Variants in IL23R observed in about 807,000 individuals in gnomAD.
IL23R encodes interleukin 23 receptor.
Under a neutral mutation model 56.9 loss-of-function variants are expected in IL23R, and 34 were observed. That is an observed-to-expected ratio of 0.60 (90% CI 0.45 to 0.80). The LOEUF (loss-of-function observed/expected upper bound fraction) is 0.80, where lower values mean the gene tolerates loss of function less well. Ranked by LOEUF, IL23R falls within the 30% of genes least tolerant of loss-of-function variation. The pLI is 0.00. For missense variants in IL23R, 635 were observed against 730.0 expected (o/e 0.87, Z 1.50); for synonymous variants, 230 against 249.2 (o/e 0.92, Z 0.73).
intron 6 of IL23R, among the ~76,000 whole-genome samples, chr1:67,218,609 T>C (rs537723985): frequency 6.6e-6 from 1 of 152,196 alleles, no homozygotes; most frequent in Admixed American, 6.5e-5. Flanking sequence ...ATTAAGAATA[T>C]ATTCCAAAAT....
chr1:67,140,445 C>A (rs1254527508), intron 1 of IL23R, among the ~76,000 whole-genome samples: 13 of 152,066 alleles, frequency 8.5e-5, no homozygotes, highest in Non-Finnish European at 1.8e-4. Context: ...TACAAATGAT[C>A]ATTAATTATA....
chr1:67,191,364 A>G (rs1260923811), intron 4 of IL23R, among the ~76,000 whole-genome samples: 1 of 152,078 alleles, frequency 6.6e-6, no homozygotes, highest in Non-Finnish European at 1.5e-5. Flanking sequence ...CTTTCCTGCT[A>G]TTGCTATGGA....
chr1:67,163,539 A>C (rs936607921), upstream of IL23R, among the ~76,000 whole-genome samples: 1 of 150,074 alleles, frequency 6.7e-6, no homozygotes, highest in Non-Finnish European at 1.5e-5. Context: ...TGTAATCCCC[A>C]GTGCTGGAGG....
intron 4 of IL23R, among the ~76,000 whole-genome samples, chr1:67,198,816 G>A (rs955146573): frequency 1.3e-5 from 2 of 152,076 alleles, no homozygotes; most frequent in Non-Finnish European, 2.9e-5. Flanking sequence ...ATGGTAGTAC[G>A]TGCCTGTGGT....
intron 10 of IL23R, among the ~76,000 whole-genome samples, chr1:67,257,484 A>G (rs1178439888): frequency 2.0e-5 from 3 of 152,046 alleles, no homozygotes; most frequent in Non-Finnish European, 2.9e-5. Context: ...ATTGGCTTCA[A>G]TGTGAGGGGG....
At chr1:67,190,140 A>T (rs1191877903) in intron 4 of IL23R, among the ~76,000 whole-genome samples, 1 of 152,206 alleles carries the variant, frequency 6.6e-6, no homozygotes, top group Admixed American at 6.5e-5. Flanking sequence ...CTTCTAACTC[A>T]TGTGGTTCAG....
rs543887449 is a variant in IL23R at position 67,206,920 on chromosome 1, T to C, written c.663T>C (p.Ser221=). 761 of 1,472,324 alleles carry C rather than the reference T, an allele frequency of 5.2e-4. 16 individuals carry two copies. In the South Asian group the frequency reaches 8.6e-3, roughly 17 times the overall value. 91.2% of individuals were successfully genotyped at this position (1,472,324 alleles called of 1,614,324 possible). ...TTTTTTTTTTTCTAGTGATACCTTC[T>C]GCAGCCGTCATTTCCAGGGCTGAGA... ...QIHLDDIVIP[S]AAVISRAETI... The change falls in exon 6 of 11, where the codon TCT becomes TCC. Residue 221 remains serine, a synonymous_variant. Transcript: ENST00000347310.
intron 4 of IL23R, among the ~76,000 whole-genome samples, chr1:67,189,591 A>G (rs1026106422): frequency 6.6e-6 from 1 of 152,222 alleles, no homozygotes; most frequent in African/African-American, 2.4e-5. Flanking sequence ...AGGTCAGAAA[A>G]GGAAACAAAC....
chr1:67,205,919 C>CTT (rs1553291056), intron 5 of IL23R, among the ~76,000 whole-genome samples: 1 of 117,372 alleles, frequency 8.5e-6, no homozygotes. Context: ...TTCTTTCTTT[C>CTT]TTTCTTTTTC....
At chr1:67,200,036 T>A (rs1451414356) in intron 4 of IL23R, among the ~76,000 whole-genome samples, 1 of 151,958 alleles carries the variant, frequency 6.6e-6, no homozygotes, top group African/African-American at 2.4e-5. Flanking sequence ...AATTTTAATT[T>A]TTTGTTTTTG....
chr1:67,198,362 T>C (rs1371666726), intron 4 of IL23R, among the ~76,000 whole-genome samples: 1 of 152,194 alleles, frequency 6.6e-6, no homozygotes, highest in Non-Finnish European at 1.5e-5. Flanking sequence ...GGGTAGAGAT[T>C]TAAAAACAGA....
chr1:67,210,979 A>G (rs1649431899), intron 6 of IL23R, among the ~76,000 whole-genome samples: 1 of 152,200 alleles, frequency 6.6e-6, no homozygotes, highest in Non-Finnish European at 1.5e-5. Flanking sequence ...TAAAAGTATC[A>G]AGAAGATGGG....
At chr1:67,156,826 C>T (rs1458015208) in intron 1 of IL23R, among the ~76,000 whole-genome samples, 1 of 152,182 alleles carries the variant, frequency 6.6e-6, no homozygotes, top group Non-Finnish European at 1.5e-5. Context: ...GGATGGTTCT[C>T]CTGTCTCACT....
chr1:67,173,867 C>A (rs1180703792), intron 3 of IL23R, among the ~76,000 whole-genome samples: 2 of 152,082 alleles, frequency 1.3e-5, no homozygotes, highest in African/African-American at 4.8e-5. Context: ...CAGACCCTCT[C>A]TTTCTCAGTC....
intron 1 of IL23R, among the ~76,000 whole-genome samples, chr1:67,159,373 T>C (rs1454310188): frequency 6.6e-6 from 1 of 152,112 alleles, no homozygotes. Context: ...AGGTGTTTGC[T>C]TCCCCTTCGT....
rs565741147 is a variant in IL23R at position 67,146,896 on chromosome 1, G to T, written c.-634+7735G>T. On this transcript the variant is annotated intron_variant, in intron 1 of 10. Transcript: ENST00000637002. ...CTCTTCCCCCTTTCCAAGTAGTTGT[G>T]GTTGGACTGCTGGTTATAGAACATC... Among the ~76,000 whole-genome samples, 65 of 152,186 alleles carry T rather than the reference G, an allele frequency of 4.3e-4. 2 individuals are homozygous for T. The South Asian group carries it at 9.1e-3, about 21-fold the overall frequency.
chr1:67,238,569 A>G (rs1651645677), intron 8 of IL23R, among the ~76,000 whole-genome samples: 1 of 152,112 alleles, frequency 6.6e-6, no homozygotes, highest in Admixed American at 6.6e-5. Context: ...TCTATTTTCC[A>G]AAAGAGAAAA....
At chr1:67,170,599 G>A (rs548969701) in intron 3 of IL23R, among the ~76,000 whole-genome samples, 27 of 152,252 alleles carry the variant, frequency 1.8e-4, no homozygotes, top group Admixed American at 5.9e-4. Flanking sequence ...CTACTATTAT[G>A]AAGGGTGTAA....
At chr1:67,257,996 G>C (rs536425300) in intron 10 of IL23R, among the ~76,000 whole-genome samples, 9 of 151,822 alleles carry the variant, frequency 5.9e-5, no homozygotes, top group Middle Eastern at 3.2e-3. Context: ...TCCACCTTTA[G>C]AACCTCGGCA....
Sources: gnomAD v4.1 joint callset for allele counts (sites outside exome capture counted in the v4.1 genomes callset) on GRCh38, gnomAD v4.1.1 for gene constraint, MANE v1.5 for transcripts, NCBI Gene and HGNC (gene_info 2026-07-23, HGNC 2026-07-21) for gene names.